Variants in GLIS3 observed in about 807,000 individuals in gnomAD.
GLIS3 encodes the protein GLIS family zinc finger 3, also known as zinc finger protein GLIS3.
GLIS3 carries 53 observed loss-of-function variants against 78.6 expected under a neutral mutation model. That is an observed-to-expected ratio of 0.67 (90% CI 0.54 to 0.85). The LOEUF (loss-of-function observed/expected upper bound fraction) is 0.85. GLIS3 is among the 40% of genes least tolerant of loss of function. The pLI is 0.00. For synonymous variants in GLIS3, 684 were observed against 509.9 expected, an observed-to-expected ratio of 1.34 and a Z score of -4.60; for missense variants, 1,703 against 1,231.1, an observed-to-expected ratio of 1.38 and a Z score of -5.74.
At chr9:4,163,021 G>A (rs1431502748) in intron 2 of GLIS3, among the ~76,000 whole-genome samples, 1 of 152,194 alleles carries the variant, frequency 6.6e-6, no homozygotes, top group African/African-American at 2.4e-5. Context: ...TCATCCACAT[G>A]AGGATGGAGA....
intron 2 of GLIS3, among the ~76,000 whole-genome samples, chr9:4,195,428 G>A (rs1388353549): frequency 1.3e-5 from 2 of 152,224 alleles, no homozygotes; most frequent in South Asian, 2.1e-4. Context: ...GACAGTGAGG[G>A]GCTTAGCACC....
At chr9:4,050,126 C>A (rs1825611652) in intron 4 of GLIS3, among the ~76,000 whole-genome samples, 1 of 151,912 alleles carries the variant, frequency 6.6e-6, no homozygotes, top group African/African-American at 2.4e-5. Context: ...ATAAATCATG[C>A]CGCTATAAAG....
chr9:4,024,601 A>C (rs1024498916), intron 4 of GLIS3, among the ~76,000 whole-genome samples: 4 of 152,188 alleles, frequency 2.6e-5, no homozygotes, highest in Admixed American at 2.6e-4. Flanking sequence ...AGTGTATGAT[A>C]GATAGGTTGC....
At chr9:4,474,311 G>C in the GLIS3 span, among the ~76,000 whole-genome samples, 4 of 152,202 alleles carry the variant, frequency 2.6e-5, no homozygotes, top group Admixed American at 2.0e-4. Context: ...TTCAAGACTA[G>C]CCTGGGCAAT....
the GLIS3 span, among the ~76,000 whole-genome samples, chr9:4,414,650 A>T: frequency 6.6e-6 from 1 of 152,056 alleles, no homozygotes; most frequent in South Asian, 2.1e-4. Flanking sequence ...TTGCTTGACC[A>T]ATCTGTAGTC....
At chr9:3,902,148 C>A (rs777526637) in intron 6 of GLIS3, among the ~76,000 whole-genome samples, 4 of 152,212 alleles carry the variant, frequency 2.6e-5, no homozygotes, top group Non-Finnish European at 4.4e-5. Context: ...TGAGTCCATA[C>A]AACTTTGTGG....
At chr9:4,313,062 G>T (rs71510212) in intron 2 of GLIS3, among the ~76,000 whole-genome samples, 8,317 of 152,224 alleles carry the variant, frequency 0.055, 319 homozygotes, top group Admixed American at 0.11. Flanking sequence ...ATGCTATGCT[G>T]TTTCTTTGGG....
chr9:3,868,145 GAT>G (rs1820725457), intron 8 of GLIS3, among the ~76,000 whole-genome samples: 1 of 152,186 alleles, frequency 6.6e-6, no homozygotes, highest in Non-Finnish European at 1.5e-5. Flanking sequence ...CTCTAAGTTA[GAT>G]ATGTTTCTGT....
At chr9:4,167,735 G>A (rs991250047) in intron 2 of GLIS3, among the ~76,000 whole-genome samples, 4 of 152,186 alleles carry the variant, frequency 2.6e-5, no homozygotes, top group Non-Finnish European at 2.9e-5. Context: ...TCCTTTCACT[G>A]AACTTTCACT....
At chr9:3,877,069 A>G (rs1197575626) in intron 8 of GLIS3, among the ~76,000 whole-genome samples, 1 of 152,124 alleles carries the variant, frequency 6.6e-6, no homozygotes, top group Non-Finnish European at 1.5e-5. Context: ...ATTCTTGTTA[A>G]GAGTTGTTAT....
At position 4,118,516 on chromosome 9, in the gene GLIS3, C is replaced by A. The variant is rs1831907816; in HGVS notation, c.962G>T (p.Arg321Leu). Reference protein sequence around the residue: ...GIGIDFNTIIRTSPTSLVAYI... With the variant: ...GIGIDFNTIILTSPTSLVAYI... ...GGCCACCAAGGACGTGGGCGACGTG[C>A]GGATGATGGTATTGAAATCTATCCC... Residue 321 changes from arginine (R) to leucine (L), a missense_variant, in exon 4 of 11, where the codon CGC (arginine) becomes CTC (leucine). Physicochemically the swap from Arg to Leu is moderately radical, Grantham distance 102. Transcript: ENST00000381971. This position sits in a 1 kb window ranked among gnomAD's most constrained non-coding sequence, Gnocchi z 4.7. The A allele has an allele frequency of 6.2e-7, 1 of 1,614,216 alleles. No homozygotes were observed. Among genetic ancestry groups the A allele is most frequent in the Non-Finnish European group, 8.5e-7 (1 of 1,180,032 alleles).
chr9:3,964,021 C>T (rs549001094), intron 4 of GLIS3, among the ~76,000 whole-genome samples: 23 of 152,264 alleles, frequency 1.5e-4, no homozygotes, highest in African/African-American at 5.1e-4. Context: ...TAAACAACTG[C>T]GTCCCCGCAC....
intron 4 of GLIS3, among the ~76,000 whole-genome samples, chr9:4,044,973 G>T (rs1825127566): frequency 6.6e-6 from 1 of 152,108 alleles, no homozygotes; most frequent in Non-Finnish European, 1.5e-5. Context: ...AGGAAGGGAG[G>T]ACTCAGAAAG....
intron 2 of GLIS3, among the ~76,000 whole-genome samples, chr9:4,127,450 T>C (rs533437083): frequency 4.6e-5 from 7 of 152,326 alleles, no homozygotes; most frequent in African/African-American, 1.7e-4. Context: ...CTGATCCATC[T>C]TCTTGTGCCT....
rs1373820305 is a variant in GLIS3, at chr9:4,286,509, G to C, written c.-84C>G. ...GGCAAAGTCCAATAAGTTATCCATG[G>C]TGTGGGTTATAAGCCTGTTTAAAAA... is the stretch of plus-strand genomic sequence containing the variant. On this transcript the variant is annotated 5_prime_UTR_variant, in exon 2 of 11. Transcript: ENST00000381971. The C allele has an allele frequency of 5.3e-6, 8 of 1,521,404 alleles. No homozygotes were observed. The highest frequency in any genetic ancestry group is 6.3e-6 in the Non-Finnish European group (7 of 1,106,834). The allele number at this position is 1,521,404 out of a possible 1,614,324, so 94.2% of individuals were successfully genotyped here. A position where few individuals can be genotyped will look rare whatever the true frequency, so the allele number is the denominator to read the frequency against.
chr9:4,312,759 G>A (rs1263459332), intron 2 of GLIS3, among the ~76,000 whole-genome samples: 1 of 152,218 alleles, frequency 6.6e-6, no homozygotes, highest in Non-Finnish European at 1.5e-5. Context: ...GGCTGGTGGA[G>A]CTGGGTATGC....
At chr9:4,275,555 T>A (rs914854624) in intron 2 of GLIS3, among the ~76,000 whole-genome samples, 1 of 150,500 alleles carries the variant, frequency 6.6e-6, no homozygotes, top group East Asian at 2.0e-4. Context: ...AGCCTAGGAG[T>A]TTGAGACCAT....
chr9:4,329,848 A>C (rs1353860521), intron 2 of GLIS3, among the ~76,000 whole-genome samples: 1 of 152,178 alleles, frequency 6.6e-6, no homozygotes, highest in East Asian at 1.9e-4. Context: ...TAATGCAATG[A>C]TGAATTCGAC....
chr9:3,954,870 G>C (rs1816983534), intron 4 of GLIS3, among the ~76,000 whole-genome samples: 2 of 152,164 alleles, frequency 1.3e-5, no homozygotes, highest in South Asian at 2.1e-4. Flanking sequence ...CATTTGGTTT[G>C]TTCAGCTGAA....
Sources: allele counts gnomAD v4.1 joint callset (sites outside exome capture counted in the v4.1 genomes callset), GRCh38; gene constraint gnomAD v4.1.1; non-coding constraint Gnocchi (gnomAD v3.1); transcripts MANE v1.5; gene names NCBI Gene and HGNC (gene_info 2026-07-23, HGNC 2026-07-21).